The following FHIT variants were observed in gnomAD, a reference collection of about 807,000 sequenced individuals.
FHIT encodes fragile histidine triad diadenosine triphosphatase, also known as bis(5'-adenosyl)-triphosphatase.
In FHIT, 19 loss-of-function variants were observed where a neutral mutation model predicts 17.9. The ratio of observed to expected loss-of-function variants is 1.06; its 90% confidence interval spans 0.74 to 1.56. FHIT has a LOEUF of 1.56. Among genes scored for constraint, FHIT ranks in the 40% most tolerant of loss-of-function variants. The probability of loss-of-function intolerance (pLI) is 0.00; values close to 1 mark genes in which losing one functional copy is unlikely to be tolerated. For missense variants in FHIT, 248 were observed against 189.2 expected, an observed-to-expected ratio of 1.31 and a Z score of -1.82; for synonymous variants, 81 against 69.7, an observed-to-expected ratio of 1.16 and a Z score of -0.81.
At chr3:60,849,015 A>T (rs1360134944) in intron 3 of FHIT, among the ~76,000 whole-genome samples, 2 of 152,212 alleles carry the variant, frequency 1.3e-5, no homozygotes, top group African/African-American at 4.8e-5. Flanking sequence ...CCTCTATTTC[A>T]GAAAATACAT....
intron 7 of FHIT, among the ~76,000 whole-genome samples, chr3:59,941,436 C>T (rs1706513229): frequency 6.6e-6 from 1 of 152,148 alleles, no homozygotes; most frequent in South Asian, 2.1e-4. Context: ...CTCTCTTTCT[C>T]TATCTCTTGT....
chr3:59,901,205 A>G (rs746229296), intron 8 of FHIT, among the ~76,000 whole-genome samples: 8 of 152,204 alleles, frequency 5.3e-5, no homozygotes, highest in Non-Finnish European at 1.2e-4. Flanking sequence ...TTCTGAGTGA[A>G]ATAGTGAAGA....
chr3:60,612,484 T>G (rs1479168677), intron 4 of FHIT, among the ~76,000 whole-genome samples: 1 of 152,320 alleles, frequency 6.6e-6, no homozygotes, highest in East Asian at 1.9e-4. Context: ...TATCAGGAAA[T>G]CTATGCCTGG....
intron 8 of FHIT, among the ~76,000 whole-genome samples, chr3:59,810,758 T>A (rs1700381320): frequency 6.6e-6 from 1 of 152,164 alleles, no homozygotes; most frequent in African/African-American, 2.4e-5. Context: ...CACTATCGAA[T>A]GCAGCACACT....
chr3:60,185,080 A>G (rs1702101711), intron 5 of FHIT, among the ~76,000 whole-genome samples: 1 of 152,202 alleles, frequency 6.6e-6, no homozygotes, highest in African/African-American at 2.4e-5. Flanking sequence ...TTCTCCAAAG[A>G]ACCTTGGTTT....
intron 5 of FHIT, among the ~76,000 whole-genome samples, chr3:60,052,737 T>A (rs1701931398): frequency 1.3e-5 from 2 of 148,888 alleles, no homozygotes; most frequent in African/African-American, 4.9e-5. Flanking sequence ...GGAAAAAGTA[T>A]GTCTAAAATA....
intron 8 of FHIT, among the ~76,000 whole-genome samples, chr3:59,788,881 G>GTTTTCTTTTTTTTTT (rs1553677013): frequency 4.6e-5 from 4 of 86,804 alleles, no homozygotes; most frequent in Non-Finnish European, 8.2e-5. Flanking sequence ...GAGTTCATAT[G>GTTTTCTTTTTTTTTT]TTTTTTTTTT....
chr3:60,999,001 A>G (rs1216870098), intron 3 of FHIT, among the ~76,000 whole-genome samples: 4 of 152,076 alleles, frequency 2.6e-5, no homozygotes, highest in African/African-American at 9.7e-5. Flanking sequence ...TGAAAGAGTA[A>G]CCAGCTCTTG....
intron 2 of FHIT, among the ~76,000 whole-genome samples, chr3:61,105,409 C>T (rs1240247984): frequency 6.6e-6 from 1 of 152,062 alleles, no homozygotes; most frequent in Admixed American, 6.6e-5. Flanking sequence ...AATTTTAAAA[C>T]AGGAAATGGC....
intron 5 of FHIT, among the ~76,000 whole-genome samples, chr3:60,404,640 AG>A (rs1701784712): frequency 6.6e-6 from 1 of 152,210 alleles, no homozygotes; most frequent in South Asian, 2.1e-4. Flanking sequence ...AGGCTTCAAA[AG>A]AACTAGGACC....
At chr3:59,820,639 G>C (rs953946321) in intron 8 of FHIT, among the ~76,000 whole-genome samples, 3 of 152,200 alleles carry the variant, frequency 2.0e-5, no homozygotes, top group African/African-American at 7.2e-5. Context: ...TGGCAGAGCT[G>C]AGTAGTTTCA....
At chr3:60,445,397 G>A (rs2031255241) in intron 5 of FHIT, among the ~76,000 whole-genome samples, 1 of 151,588 alleles carries the variant, frequency 6.6e-6, no homozygotes, top group Admixed American at 6.6e-5. Flanking sequence ...AAGCAATTAT[G>A]ATACGTTTCT....
intron 5 of FHIT, among the ~76,000 whole-genome samples, chr3:60,026,022 G>A (rs956230229): frequency 2.6e-5 from 4 of 152,034 alleles, no homozygotes; most frequent in South Asian, 4.1e-4. Flanking sequence ...CCTGTAAAGG[G>A]GGGGAAAGAA....
chr3:60,457,808 T>C (rs1252691125), intron 5 of FHIT, among the ~76,000 whole-genome samples: 2 of 151,692 alleles, frequency 1.3e-5, no homozygotes, highest in East Asian at 1.9e-4. Flanking sequence ...AAGACATTTA[T>C]GCAGCCAAAA....
chr3:60,962,113 G>C (rs1279215919), intron 3 of FHIT, among the ~76,000 whole-genome samples: 2 of 152,106 alleles, frequency 1.3e-5, no homozygotes, highest in South Asian at 4.1e-4. Context: ...ATTGAGCAGT[G>C]GTTTGTAGTT....
intron 5 of FHIT, among the ~76,000 whole-genome samples, chr3:60,209,762 G>A (rs1458930792): frequency 1.3e-5 from 2 of 152,142 alleles, no homozygotes; most frequent in Non-Finnish European, 2.9e-5. Context: ...CCATAAAAAG[G>A]AATGAGATCA....
chr3:60,973,771 G>A (rs1453163227), intron 3 of FHIT, among the ~76,000 whole-genome samples: 2 of 152,150 alleles, frequency 1.3e-5, no homozygotes, highest in Non-Finnish European at 2.9e-5. Flanking sequence ...ATAATGTCAG[G>A]AAATCTGAAG....
At chr3:60,671,657 T>C (rs1277203360) in intron 4 of FHIT, among the ~76,000 whole-genome samples, 1 of 151,952 alleles carries the variant, frequency 6.6e-6, no homozygotes. Flanking sequence ...TTAGAATTAT[T>C]GGCCGGGTGC....
intron 3 of FHIT, among the ~76,000 whole-genome samples, chr3:60,822,544 C>T (rs1701964293): frequency 6.6e-6 from 1 of 152,084 alleles, no homozygotes; most frequent in Non-Finnish European, 1.5e-5. Flanking sequence ...TTTTTTTGGT[C>T]CCACTGGCCT....
Sources: allele counts gnomAD v4.1 joint callset (sites outside exome capture counted in the v4.1 genomes callset), GRCh38; gene constraint gnomAD v4.1.1; transcripts MANE v1.5; gene names NCBI Gene and HGNC (gene_info 2026-07-23, HGNC 2026-07-21).